The following MAPK14 variants were observed in gnomAD, a reference collection of about 807,000 sequenced individuals.
The protein encoded by MAPK14 is CSAID-binding protein.
A neutral mutation model predicts 49.6 loss-of-function variants in MAPK14; 16 were observed. The ratio of observed to expected loss-of-function variants is 0.32; its 90% CI spans 0.22 to 0.49. The LOEUF (loss-of-function observed/expected upper bound fraction) is 0.49, where lower values mean the gene tolerates loss of function less well. Ranked by LOEUF, MAPK14 falls within the 20% of genes least tolerant of loss-of-function variation. MAPK14 has a pLI of 0.99. For missense variants in MAPK14, 200 were observed against 441.2 expected (o/e 0.45, Z 4.90); for synonymous variants, 142 against 158.0 (o/e 0.90, Z 0.76).
rs115677365 is a variant in MAPK14 at position 36,104,237 on chromosome 6, A to G, written c.841+1588A>G. Among the ~76,000 whole-genome samples, 144 of 152,252 alleles carry G rather than the reference A, an allele frequency of 9.5e-4. 1 individual carries two copies. Among genetic ancestry groups the G allele is most frequent in the African/African-American group, 3.3e-3 (139 of 41,546 alleles). On this transcript the variant is annotated intron_variant, in intron 10 of 11. Coordinates refer to ENST00000229794, the MANE Select transcript of MAPK14 (RefSeq NM_139012.3). ...TCTCATCAGGGGTGGGTACGATTCT[A>G]CTGAGACTGGCTTAGGTTTGCATCT...
chr6:36,081,819 G>A (rs537731173), intron 8 of MAPK14, among the ~76,000 whole-genome samples: 2 of 152,212 alleles, frequency 1.3e-5, no homozygotes, highest in South Asian at 4.1e-4. Context: ...CAGATTTTTA[G>A]ATCACTTTAA....
chr6:36,075,794 T>C (rs754171437), intron 6 of MAPK14, 54 bp from the exon 7 acceptor site: 4 of 1,610,828 alleles, frequency 2.5e-6, no homozygotes, highest in Admixed American at 1.7e-5. Context: ...TGTTTTTTTT[T>C]CCCTGCCTGT....
intron 2 of MAPK14, among the ~76,000 whole-genome samples, chr6:36,058,276 G>A (rs764985690): frequency 5.3e-5 from 8 of 152,020 alleles, no homozygotes; most frequent in Admixed American, 2.0e-4. Context: ...GAAATTTTTC[G>A]TGGAATACAT....
At chr6:36,106,309 C>T (rs1238339255) in intron 10 of MAPK14, among the ~76,000 whole-genome samples, 1 of 152,044 alleles carries the variant, frequency 6.6e-6, no homozygotes, top group Non-Finnish European at 1.5e-5. Context: ...TCCCGAGAAA[C>T]GGTCATTCTC....
intron 8 of MAPK14, among the ~76,000 whole-genome samples, chr6:36,084,085 A>G (rs1764877528): frequency 6.6e-6 from 1 of 152,240 alleles, no homozygotes; most frequent in Non-Finnish European, 1.5e-5. Flanking sequence ...GTGGACCCCC[A>G]GCAAACTGCA....
At chr6:36,061,020 CAG>C (rs1452876527) in intron 3 of MAPK14, among the ~76,000 whole-genome samples, 3 of 152,198 alleles carry the variant, frequency 2.0e-5, no homozygotes, top group African/African-American at 7.2e-5. Context: ...GGATGTTACT[CAG>C]GGGCATGTAT....
chr6:36,073,946 C>A, intron 5 of MAPK14, 103 bp from the exon 6 acceptor site: 1 of 962,460 alleles, frequency 1.0e-6, no homozygotes, highest in Non-Finnish European at 1.7e-6. Flanking sequence ...CTTTTGATAG[C>A]TGGATGAAGT....
Position 36,052,691 on chromosome 6 carries a change from C to A in MAPK14, c.117-8C>A. On this transcript the variant is annotated splice_polypyrimidine_tract_variant and splice_region_variant and intron_variant, in intron 1 of 11. Transcript: ENST00000229794. ...TAATGGTGGGTTTTTTCCCTTTTTTCTCCTTAGTGCTGCTTTTGACACAAA... is the reference window on the plus strand; with the variant it reads ...TAATGGTGGGTTTTTTCCCTTTTTTATCCTTAGTGCTGCTTTTGACACAAA... The A allele has an allele frequency of 1.3e-6, 2 of 1,573,398 alleles. No homozygotes were observed. Among genetic ancestry groups the A allele is most frequent in the South Asian group, 1.2e-5 (1 of 84,038 alleles).
intron 1 of MAPK14, among the ~76,000 whole-genome samples, chr6:36,042,476 C>CT (rs113286534): frequency 0.14 from 14,429 of 102,506 alleles, 1,802 homozygotes; most frequent in East Asian, 0.48. Flanking sequence ...GAAGGAATAT[C>CT]TTTTTTTTTT....
At chr6:36,032,344 A>G (rs2127391397) in intron 1 of MAPK14, among the ~76,000 whole-genome samples, 1 of 152,354 alleles carries the variant, frequency 6.6e-6, no homozygotes, top group South Asian at 2.1e-4. Context: ...GGTAAAGGGA[A>G]CTAGACTAGG....
At chr6:36,060,498 G>C (rs984512321) in intron 3 of MAPK14, among the ~76,000 whole-genome samples, 4 of 152,196 alleles carry the variant, frequency 2.6e-5, no homozygotes, top group African/African-American at 9.7e-5. Context: ...TAAATGGAGA[G>C]TGTTACTATT....
chr6:36,060,860 T>A (rs1763792225), intron 3 of MAPK14, among the ~76,000 whole-genome samples: 1 of 152,190 alleles, frequency 6.6e-6, no homozygotes, highest in Admixed American at 6.5e-5. Flanking sequence ...GAGAATTTGG[T>A]CCACCTACAA....
At chr6:36,045,830 AAAAG>A (rs1245346660) in intron 1 of MAPK14, among the ~76,000 whole-genome samples, 5 of 149,490 alleles carry the variant, frequency 3.3e-5, no homozygotes, top group East Asian at 1.9e-4. Context: ...AAAAAAAAAA[AAAAG>A]AAAGAAAGGA....
intron 7 of MAPK14, 36 bp from the exon 8 acceptor site, chr6:36,076,501 A>T: frequency 6.9e-7 from 1 of 1,456,206 alleles, no homozygotes; most frequent in Non-Finnish European, 9.6e-7. Flanking sequence ...TAACAGTGAC[A>T]TTGCATATAC....
chr6:36,092,523 G>T (rs778132535), intron 8 of MAPK14: 1 of 517,008 alleles, frequency 1.9e-6, no homozygotes, highest in Non-Finnish European at 3.7e-6. Context: ...CCAAGTTCCA[G>T]TTTTACCAAT....
Position 36,037,148 on chromosome 6 carries a change from C to G in MAPK14, c.116+8875C>G, listed in dbSNP as rs1309934614. On this transcript the variant is annotated intron_variant, in intron 1 of 11. Coordinates refer to ENST00000229794, the MANE Select transcript of MAPK14 (RefSeq NM_139012.3). ...ATCATGTAAATATAACTTTTATATG[C>G]ACTGGGAAACCAAAAAATTTATGTC... 2.6e-5 allele frequency among the ~76,000 whole-genome samples: 4 copies of G among 152,214 alleles called. No individual in the cohort carries two copies. In the East Asian group the frequency reaches 7.7e-4, roughly 29 times the overall value.
rs577909829 is a variant in MAPK14, at chr6:36,028,023, G to A, written c.-135G>A. ...CGCGCGCGGGAGTCTGCGGGGTCGC[G>A]GCAGCCGCACCTGCGCGGGCGACCA... On this transcript the variant is annotated 5_prime_UTR_variant, in exon 1 of 12. Transcript: ENST00000229794. This position sits in a 1 kb window ranked among gnomAD's most constrained non-coding sequence, Gnocchi z 5.1. 6 of 477,596 alleles carry A rather than the reference G, an allele frequency of 1.3e-5. No individual in the cohort carries two copies. Among genetic ancestry groups the A allele is most frequent in the Admixed American group, 8.8e-5 (2 of 22,856 alleles). The allele number at this position is 477,596 out of a possible 1,614,324, so 29.6% of individuals were successfully genotyped here.
At chr6:36,066,729 T>C (rs1218951083) in intron 3 of MAPK14, among the ~76,000 whole-genome samples, 3 of 151,144 alleles carry the variant, frequency 2.0e-5, no homozygotes, top group Non-Finnish European at 2.9e-5. Context: ...AATTGTGCAT[T>C]GATGAATTCT....
At chr6:36,090,791 A>G (rs1765195618) in intron 8 of MAPK14, among the ~76,000 whole-genome samples, 1 of 152,204 alleles carries the variant, frequency 6.6e-6, no homozygotes, top group Admixed American at 6.5e-5. Flanking sequence ...ACCAAAAGCA[A>G]GTGTCCAATA....
Sources: allele counts gnomAD v4.1 joint callset (sites outside exome capture counted in the v4.1 genomes callset), GRCh38; gene constraint gnomAD v4.1.1; non-coding constraint Gnocchi (gnomAD v3.1); transcripts MANE v1.5; gene names NCBI Gene and HGNC (gene_info 2026-07-23, HGNC 2026-07-21).